The following PI4KA variants were observed in gnomAD, a reference collection of about 807,000 sequenced individuals.
PI4KA encodes phosphatidylinositol 4-kinase alpha, also known as PI4-kinase alpha.
In PI4KA, 122 loss-of-function variants were observed where a neutral mutation model predicts 271.4. The observed-to-expected ratio is 0.45, with a 90% CI of 0.39 to 0.52. The LOEUF (loss-of-function observed/expected upper bound fraction) is 0.52. PI4KA is among the 20% of genes least tolerant of loss of function. The probability of loss-of-function intolerance (pLI) is 0.00; values close to 1 mark genes in which losing one functional copy is unlikely to be tolerated. For missense variants in PI4KA, 1,969 were observed against 2,769.1 expected (o/e 0.71, Z 6.48); for synonymous variants, 1,041 against 1,078.8 (o/e 0.96, Z 0.69).
At chr22:20,820,216 T>C (rs1922456486) in intron 5 of PI4KA, among the ~76,000 whole-genome samples, 1 of 152,178 alleles carries the variant, frequency 6.6e-6, no homozygotes, top group Admixed American at 6.6e-5. Flanking sequence ...TTATTCCTCT[T>C]AGGAGCATAT....
chr22:20,769,692 AG>A (rs929965087), intron 19 of PI4KA, among the ~76,000 whole-genome samples: 13 of 151,610 alleles, frequency 8.6e-5, no homozygotes, highest in East Asian at 1.9e-4. Context: ...AATCAAGGTC[AG>A]GGGGGAAGTG....
At position 20,784,367 on chromosome 22, in the gene PI4KA, T is replaced by C; in HGVS notation, c.2328+8826A>G. The C allele has an allele frequency of 3.0e-6, 4 of 1,314,026 alleles. No individual in the cohort carries two copies. The South Asian group carries it at 3.8e-5, about 12-fold the overall frequency. The allele number at this position is 1,314,026 out of a possible 1,614,324, so 81.4% of individuals were successfully genotyped here. ...ATGTACAAGTACCCAAGAACTTCCA[T>C]ACAGGGCCACTCTGTTAATTCAGCC... On this transcript the variant is annotated intron_variant, in intron 19 of 54. Transcript: ENST00000255882.
chr22:20,796,412 C>T, intron 17 of PI4KA, 98 bp from the exon 18 acceptor site: 1 of 1,120,586 alleles, frequency 8.9e-7, no homozygotes, highest in Non-Finnish European at 1.3e-6. Context: ...GGGCCAGGCC[C>T]AGCCTGCCTT....
intron 3 of PI4KA, among the ~76,000 whole-genome samples, chr22:20,830,824 T>G (rs1278169507): frequency 1.3e-5 from 2 of 152,118 alleles, no homozygotes; most frequent in African/African-American, 2.4e-5. Flanking sequence ...CAGGCTGGAG[T>G]GCAGTGATGC....
chr22:20,745,550 A>G (rs1406386476), intron 29 of PI4KA, among the ~76,000 whole-genome samples: 1 of 152,318 alleles, frequency 6.6e-6, no homozygotes, highest in Non-Finnish European at 1.5e-5. Context: ...GGAACATCAA[A>G]ATATAAACAA....
rs778357162 is a variant in PI4KA at position 20,834,596 on chromosome 22, A to G, written c.333T>C (p.Tyr111=). 1.2e-6 allele frequency: 2 copies of G among 1,610,856 alleles called. No individual in the cohort carries two copies. Among genetic ancestry groups the G allele is most frequent in the South Asian group, 2.2e-5 (2 of 91,020 alleles). Residue 111 remains tyrosine (Y), a synonymous_variant, in exon 3 of 55, where the codon TAT becomes TAC. Coordinates refer to ENST00000255882, the MANE Select transcript of PI4KA (RefSeq NM_058004.4). The stretch of plus-strand genomic sequence containing the variant: ...TCCGAGCTGTGCTTTCTTCTACCCA[A>G]TACACTTTTGGAAGACCTTTGAGAA... The part of the protein sequence containing the change: ...LRLLKGLPKV[Y]WVEESTARKG...
Position 20,714,512 on chromosome 22 carries a change from A to G in PI4KA, c.5407T>C (p.Tyr1803His), listed in dbSNP as rs759079970. 1.2e-5 allele frequency: 20 copies of G among 1,613,652 alleles called. No individual in the cohort carries two copies. Among genetic ancestry groups the G allele is most frequent in the Non-Finnish European group, 1.7e-5 (20 of 1,179,692 alleles). The change falls in exon 47 of 55, where the codon TAT becomes CAT. Residue 1803 changes from tyrosine (Y) to histidine (H), a missense_variant. Tyr to His is a moderately conservative substitution (Grantham distance 83). Around this residue, in one of 13 missense-constraint regions of PI4KA, gnomAD observed 388 missense variants for 521.5 expected, o/e 0.74. Coordinates refer to ENST00000255882, the MANE Select transcript of PI4KA (RefSeq NM_058004.4). The part of the protein sequence containing the change: ...TPMQSAAKAP[Y>H]LAKFKVKRCG... ...CGCTTCACCTTGAACTTGGCCAGATATGGGGCTTTTGCAGCACTGAAAACA... is the reference window on the plus strand; with the variant it reads ...CGCTTCACCTTGAACTTGGCCAGATGTGGGGCTTTTGCAGCACTGAAAACA...
chr22:20,804,825 C>G, intron 11 of PI4KA, 149 bp downstream of exon 11: 1 of 678,654 alleles, frequency 1.5e-6, no homozygotes, highest in Non-Finnish European at 2.6e-6. Flanking sequence ...GGCTAATGCT[C>G]CACTCTGCAC....
chr22:20,722,196 T>C (rs1926818195), intron 42 of PI4KA, among the ~76,000 whole-genome samples: 1 of 152,118 alleles, frequency 6.6e-6, no homozygotes, highest in African/African-American at 2.4e-5. Context: ...TGTTTGTTTG[T>C]TTGTTTTTGA....
rs1425498895 is a variant in PI4KA, at chr22:20,813,510, G to T, written c.857-4C>A. Reference sequence around the variant, plus strand: ...GTCCCATCGGGCAAGCAGGAGGCTGGTGGGAGATAAAGCTGGAAACTCAGC... The same window carrying T: ...GTCCCATCGGGCAAGCAGGAGGCTGTTGGGAGATAAAGCTGGAAACTCAGC... On this transcript the variant is annotated splice_polypyrimidine_tract_variant and splice_region_variant and intron_variant, in intron 7 of 54. Transcript: ENST00000255882. 6.2e-7 allele frequency: 1 copy of T among 1,613,516 alleles called. No individual in the cohort carries two copies. Among genetic ancestry groups the T allele is most frequent in the African/African-American group, 1.3e-5 (1 of 74,906 alleles).
intron 41 of PI4KA, 101 bp downstream of exon 41, chr22:20,727,129 G>A (rs143032649): frequency 2.5e-5 from 26 of 1,049,496 alleles, no homozygotes; most frequent in South Asian, 4.5e-5. Context: ...AGTATGTAAC[G>A]GGGCGACCTC....
At chr22:20,769,601 C>T (rs189380145) in intron 19 of PI4KA, among the ~76,000 whole-genome samples, 1 of 150,116 alleles carries the variant, frequency 6.7e-6, no homozygotes, top group East Asian at 2.0e-4. Flanking sequence ...ACCAGGAGGC[C>T]GAGGTTGCAG....
At chr22:20,855,841 T>C (rs1234587642) in intron 1 of PI4KA, among the ~76,000 whole-genome samples, 1 of 152,220 alleles carries the variant, frequency 6.6e-6, no homozygotes, top group Non-Finnish European at 1.5e-5. Flanking sequence ...CTAGGCATAG[T>C]GAACCATCTT....
At chr22:20,799,822 T>C (rs6004309) in intron 14 of PI4KA, 56 bp from the exon 15 acceptor site, 1 of 1,179,008 alleles carries the variant, frequency 8.5e-7, no homozygotes, top group Non-Finnish European at 1.2e-6. Context: ...ATAGGTTTTT[T>C]GTTTTTTAAT....
In PI4KA at chr22:20,799,165, T is replaced by C; in HGVS notation, c.1932A>G (p.Lys644=). 6.2e-7 allele frequency: 1 copy of C among 1,611,240 alleles called. No homozygotes were observed. The highest frequency in any genetic ancestry group is 8.5e-7 in the Non-Finnish European group (1 of 1,178,712). Residue 644 remains lysine, a synonymous_variant, in exon 16 of 55, where the codon AAA becomes AAG. Transcript: ENST00000255882. ...CGAGGGGGGAGGGTGGCTGGCAGAA[T>C]TTCTGCTGTAGGATCTGCAGAATGG... ...MEPILQILQQ[K]FCQPPSPLDV... is the part of the protein sequence containing the mutation.
At chr22:20,778,551 A>C (rs1933487858) in intron 19 of PI4KA, among the ~76,000 whole-genome samples, 1 of 152,182 alleles carries the variant, frequency 6.6e-6, no homozygotes, top group South Asian at 2.1e-4. Flanking sequence ...CAACAAAAAA[A>C]CAACGAATTA....
intron 1 of PI4KA, among the ~76,000 whole-genome samples, chr22:20,849,081 T>C (rs1296828239): frequency 6.6e-6 from 1 of 152,192 alleles, no homozygotes; most frequent in African/African-American, 2.4e-5. Context: ...TGTTCTAGGA[T>C]AGAATAGGCT....
At chr22:20,743,232 G>A (rs1416832198) in intron 30 of PI4KA, among the ~76,000 whole-genome samples, 4 of 151,694 alleles carry the variant, frequency 2.6e-5, no homozygotes, top group Non-Finnish European at 2.9e-5. Flanking sequence ...TGCAACCTCC[G>A]CCTCCTGGGT....
intron 46 of PI4KA, 21 bp downstream of exon 46, chr22:20,714,607 T>C: frequency 3.1e-6 from 5 of 1,613,716 alleles, no homozygotes; most frequent in Non-Finnish European, 4.2e-6. Flanking sequence ...AAGTGGGGGA[T>C]GGGTAGGGTG....
Sources: gnomAD v4.1 joint callset for allele counts (sites outside exome capture counted in the v4.1 genomes callset) on GRCh38, gnomAD v4.1.1 for gene constraint, gnomAD v4.1.1 regional missense constraint, MANE v1.5 for transcripts, NCBI Gene and HGNC (gene_info 2026-07-23, HGNC 2026-07-21) for gene names.